The following PPP2R2D variants were observed in gnomAD, a reference collection of about 807,000 sequenced individuals.
PPP2R2D encodes serine/threonine-protein phosphatase 2A 55 kDa regulatory subunit B delta isoform.
In PPP2R2D, 9 loss-of-function variants were observed where a neutral mutation model predicts 31.1. The ratio of observed to expected loss-of-function variants is 0.29; its 90% CI spans 0.17 to 0.51. PPP2R2D has a LOEUF of 0.51. Among genes scored for constraint, PPP2R2D ranks in the 20% least tolerant of loss-of-function variants. The pLI, the probability that PPP2R2D is intolerant of heterozygous loss-of-function variation, is 0.98. For missense variants in PPP2R2D, 391 were observed against 465.6 expected (o/e 0.84, Z 1.48); for synonymous variants, 179 against 172.6 (o/e 1.04, Z -0.29).
intron 2 of PPP2R2D, among the ~76,000 whole-genome samples, chr10:131,932,816 G>T (rs1490354565): frequency 6.6e-6 from 1 of 152,020 alleles, no homozygotes; most frequent in Non-Finnish European, 1.5e-5. Flanking sequence ...TTTAGTTTGG[G>T]TTTAGAGATT....
chr10:131,942,737 A>C (rs2036463190), intron 5 of PPP2R2D, among the ~76,000 whole-genome samples: 1 of 152,226 alleles, frequency 6.6e-6, no homozygotes, highest in African/African-American at 2.4e-5. Flanking sequence ...ATGCAAATTA[A>C]AATGTTTTCA....
rs2036860639 is a variant in PPP2R2D at position 131,958,491 on chromosome 10, G to A, written c.*2528G>A. ...TCCCCCTGTGGAGATGAAGGGGTAT[G>A]CTGATCCCCCGTCCCCCTGTGGAGA... is the stretch of plus-strand genomic sequence containing the variant. On this transcript the variant is annotated 3_prime_UTR_variant, in exon 9 of 9. Coordinates refer to ENST00000455566, the MANE Select transcript of PPP2R2D (RefSeq NM_018461.5). The A allele has an allele frequency of 5.0e-6, 1 of 202,012 alleles. No individual in the cohort carries two copies. 12.5% of individuals were successfully genotyped at this position (202,012 alleles called of 1,614,324 possible).
chr10:131,903,466 C>CAAAAAA (rs1175160035), intron 2 of PPP2R2D, among the ~76,000 whole-genome samples: 4 of 74,416 alleles, frequency 5.4e-5, no homozygotes, highest in African/African-American at 1.5e-4. Flanking sequence ...GGCTCCATCT[C>CAAAAAA]AAAAAAAAAA....
At chr10:131,910,464 A>C (rs1364796144) in intron 2 of PPP2R2D, among the ~76,000 whole-genome samples, 1 of 152,234 alleles carries the variant, frequency 6.6e-6, no homozygotes, top group African/African-American at 2.4e-5. Flanking sequence ...GGATTTTATC[A>C]TTGGTAACAA....
intron 2 of PPP2R2D, among the ~76,000 whole-genome samples, chr10:131,902,155 C>T (rs2119686233): frequency 6.6e-6 from 1 of 152,306 alleles, no homozygotes; most frequent in East Asian, 1.9e-4. Flanking sequence ...GAATGGAGAA[C>T]TTGGTCGAGT....
intron 2 of PPP2R2D, among the ~76,000 whole-genome samples, chr10:131,913,349 A>T (rs928591937): frequency 1.3e-5 from 2 of 152,058 alleles, no homozygotes; most frequent in African/African-American, 4.8e-5. Context: ...TTCTTTATGC[A>T]TTATGAATAT....
chr10:131,950,450 C>T (rs1347057298), intron 8 of PPP2R2D, among the ~76,000 whole-genome samples: 1 of 152,052 alleles, frequency 6.6e-6, no homozygotes, highest in Non-Finnish European at 1.5e-5. Context: ...GAGACTGAGA[C>T]TCGGCTTTGC....
chr10:131,932,160 C>G (rs566738146), intron 2 of PPP2R2D, among the ~76,000 whole-genome samples: 1 of 152,060 alleles, frequency 6.6e-6, no homozygotes, highest in Non-Finnish European at 1.5e-5. Flanking sequence ...TTTGATGGGA[C>G]CCGGATGTTG....
intron 2 of PPP2R2D, among the ~76,000 whole-genome samples, chr10:131,918,981 T>A (rs12572497): frequency 9.2e-6 from 1 of 108,254 alleles, no homozygotes; most frequent in Non-Finnish European, 1.9e-5. Flanking sequence ...AATGACACAG[T>A]GTTTGTAGGG....
At chr10:131,946,842 G>A (rs782511709) in intron 7 of PPP2R2D, among the ~76,000 whole-genome samples, 3 of 152,136 alleles carry the variant, frequency 2.0e-5, no homozygotes, top group Non-Finnish European at 2.9e-5. Context: ...AGGTTGAGGC[G>A]GGAGGATCTT....
intron 3 of PPP2R2D, among the ~76,000 whole-genome samples, chr10:131,937,893 C>T (rs1554896698): frequency 6.6e-6 from 1 of 152,180 alleles, no homozygotes; most frequent in African/African-American, 2.4e-5. Flanking sequence ...TCAACATCTG[C>T]CCCGTGCAGC....
At chr10:131,920,157 G>GATCC (rs2119816211) in intron 2 of PPP2R2D, among the ~76,000 whole-genome samples, 1 of 151,744 alleles carries the variant, frequency 6.6e-6, no homozygotes, top group East Asian at 2.0e-4. Context: ...CCTCACGTGG[G>GATCC]TGGAATGACA....
At chr10:131,916,661 A>G (rs1316340825) in intron 2 of PPP2R2D, among the ~76,000 whole-genome samples, 2 of 150,710 alleles carry the variant, frequency 1.3e-5, no homozygotes, top group Non-Finnish European at 3.0e-5. Flanking sequence ...GGGTGGAATG[A>G]CACAGTGTTT....
chr10:131,948,593 A>G (rs2036583707), intron 8 of PPP2R2D, among the ~76,000 whole-genome samples: 1 of 152,216 alleles, frequency 6.6e-6, no homozygotes, highest in African/African-American at 2.4e-5. Context: ...GCCAGAAACT[A>G]AGAGGGAGCT....
At chr10:131,901,381 C>T (rs1308771219) in intron 2 of PPP2R2D, 51 bp downstream of exon 2, 3 of 349,442 alleles carry the variant, frequency 8.6e-6, no homozygotes, top group Non-Finnish European at 1.5e-5. Context: ...CAGCTCCCAG[C>T]CCGGCCGCGC....
intron 3 of PPP2R2D, 135 bp from the exon 4 acceptor site, chr10:131,939,896 A>C: frequency 7.7e-6 from 3 of 391,350 alleles, no homozygotes; most frequent in Admixed American, 9.1e-5. Context: ...CCTGAGTTTC[A>C]TCTGAGATTT....
At chr10:131,971,046 C>T in the PPP2R2D span, 2 of 1,344,236 alleles carry the variant, frequency 1.5e-6, no homozygotes, top group East Asian at 2.3e-5. Flanking sequence ...CCCACCCGAG[C>T]TTCAGATCCG....
Position 131,944,021 on chromosome 10 carries a change from T to G in PPP2R2D, c.531T>G (p.Ile177Met), listed in dbSNP as rs2036490292. 2.0e-6 allele frequency: 3 copies of G among 1,496,096 alleles called. No homozygotes were observed. Among genetic ancestry groups the G allele is most frequent in the Non-Finnish European group, 2.8e-6 (3 of 1,072,570 alleles). 92.7% of individuals were successfully genotyped at this position (1,496,096 alleles called of 1,614,324 possible). A position where few individuals can be genotyped will look rare whatever the true frequency, so the allele number is the denominator to read the frequency against. ...DLMVEASPRR[I>M]FANAHTYHIN... ...TGGTAGAAGCGAGTCCACGGCGAAT[T>G]TTTGCAAATGCTCACACATATCATA... Residue 177 changes from isoleucine to methionine, a missense_variant, in exon 6 of 9, where the codon ATT (isoleucine) becomes ATG (methionine). By Grantham distance (10) the Ile-to-Met change is conservative. Transcript: ENST00000455566.
chr10:131,907,668 A>G (rs1349940736), intron 2 of PPP2R2D, among the ~76,000 whole-genome samples: 2 of 151,820 alleles, frequency 1.3e-5, no homozygotes, highest in African/African-American at 4.8e-5. Flanking sequence ...GCATGAACCC[A>G]GGAGGCGGAG....
Sources: allele counts gnomAD v4.1 joint callset (sites outside exome capture counted in the v4.1 genomes callset), GRCh38; gene constraint gnomAD v4.1.1; transcripts MANE v1.5; gene names NCBI Gene and HGNC (gene_info 2026-07-23, HGNC 2026-07-21).